Variants in EYS observed in about 807,000 individuals in gnomAD.
EYS encodes the protein protein eyes shut homolog.
In EYS, 250 loss-of-function variants were observed where a neutral mutation model predicts 282.1. That is an observed-to-expected ratio of 0.89 (90% CI 0.80 to 0.98). The LOEUF (loss-of-function observed/expected upper bound fraction) is 0.98, where lower values mean the gene tolerates loss of function less well. Ranked by LOEUF, EYS falls within the 50% of genes least tolerant of loss-of-function variation. EYS has a pLI of 0.00. For synonymous variants in EYS, 1,355 were observed against 1,282.9 expected (o/e 1.06, Z -1.20); for missense variants, 4,016 against 3,709.0 (o/e 1.08, Z -2.15).
chr6:64,997,110 A>T (rs1451742669), intron 14 of EYS, among the ~76,000 whole-genome samples: 1 of 152,172 alleles, frequency 6.6e-6, no homozygotes. Flanking sequence ...ATGACAAATG[A>T]ATATGTACTG....
At chr6:65,276,074 T>C (rs1037142155) in intron 12 of EYS, among the ~76,000 whole-genome samples, 3 of 152,168 alleles carry the variant, frequency 2.0e-5, no homozygotes, top group African/African-American at 7.2e-5. Flanking sequence ...TAGATTTCCC[T>C]GGTCTTACCA....
At chr6:65,549,562 T>C (rs182331613) in intron 2 of EYS, among the ~76,000 whole-genome samples, 5 of 152,294 alleles carry the variant, frequency 3.3e-5, no homozygotes, top group African/African-American at 2.4e-5. Flanking sequence ...AGGGCTGTCT[T>C]TAAGAACATG....
At chr6:64,632,703 C>T (rs1767827772) in intron 22 of EYS, among the ~76,000 whole-genome samples, 1 of 10,720 alleles carries the variant, frequency 9.3e-5, no homozygotes, top group African/African-American at 1.8e-4. Context: ...TTGTAAACTT[C>T]TATGTTTCTG....
intron 1 of EYS, among the ~76,000 whole-genome samples, chr6:65,699,957 AC>A (rs1456679979): frequency 6.6e-6 from 1 of 151,588 alleles, no homozygotes; most frequent in Non-Finnish European, 1.5e-5. Flanking sequence ...TACTAAAAAT[AC>A]AAAAAAATTA....
intron 29 of EYS, among the ~76,000 whole-genome samples, chr6:64,320,486 T>C (rs1770174797): frequency 6.6e-6 from 1 of 151,880 alleles, no homozygotes; most frequent in Non-Finnish European, 1.5e-5. Flanking sequence ...AGTTGAGGTA[T>C]TATATTTTTA....
At chr6:64,126,439 A>T (rs11965177) in intron 31 of EYS, among the ~76,000 whole-genome samples, 7,362 of 152,048 alleles carry the variant, frequency 0.048, 544 homozygotes, top group African/African-American at 0.16. Flanking sequence ...TGACTCTAGC[A>T]TATTGCAGTT....
intron 12 of EYS, among the ~76,000 whole-genome samples, chr6:65,136,244 T>C (rs935973256): frequency 3.9e-5 from 6 of 151,984 alleles, no homozygotes; most frequent in African/African-American, 1.4e-4. Flanking sequence ...TATGTGTAAA[T>C]TGGATACATA....
intron 24 of EYS, among the ~76,000 whole-genome samples, chr6:64,616,509 T>C (rs1388791461): frequency 4.6e-5 from 7 of 151,710 alleles, no homozygotes; most frequent in Admixed American, 4.6e-4. Flanking sequence ...CAGGTCCTTC[T>C]ACAATTGATT....
chr6:64,375,481 T>C (rs1330510695), intron 29 of EYS, among the ~76,000 whole-genome samples: 2 of 152,246 alleles, frequency 1.3e-5, no homozygotes, highest in Non-Finnish European at 2.9e-5. Context: ...TCTCGGCTAA[T>C]ATATGTTTGC....
intron 18 of EYS, among the ~76,000 whole-genome samples, chr6:64,899,654 C>T (rs896296006): frequency 2.0e-5 from 3 of 151,668 alleles, no homozygotes. Context: ...AATAAAATAC[C>T]TAGGAATACA....
At chr6:63,732,808 T>C (rs908551530) in intron 41 of EYS, among the ~76,000 whole-genome samples, 1 of 152,174 alleles carries the variant, frequency 6.6e-6, no homozygotes, top group African/African-American at 2.4e-5. Flanking sequence ...GTCCGGGACA[T>C]AACAGTAAAA....
At chr6:65,448,969 C>T (rs1337907401) in intron 5 of EYS, among the ~76,000 whole-genome samples, 1 of 152,050 alleles carries the variant, frequency 6.6e-6, no homozygotes, top group Admixed American at 6.6e-5. Flanking sequence ...TTAGAAACAA[C>T]AGTTCTGATT....
intron 30 of EYS, among the ~76,000 whole-genome samples, chr6:64,242,443 T>TTTG (rs977596920): frequency 1.3e-5 from 2 of 152,060 alleles, no homozygotes; most frequent in African/African-American, 4.8e-5. Context: ...CTAAGTTTTT[T>TTTG]TTGTTGTTGT....
chr6:64,978,603 C>T (rs892969302), intron 14 of EYS, among the ~76,000 whole-genome samples: 1 of 151,832 alleles, frequency 6.6e-6, no homozygotes, highest in African/African-American at 2.4e-5. Context: ...GCTATAGCTG[C>T]TGTAGATAGT....
chr6:64,172,172 A>T (rs1415194549), intron 31 of EYS, among the ~76,000 whole-genome samples: 1 of 152,252 alleles, frequency 6.6e-6, no homozygotes, highest in Admixed American at 6.5e-5. Context: ...AAAAATATGC[A>T]TGCACAATTA....
chr6:64,472,471 C>A (rs1395470727), intron 26 of EYS, among the ~76,000 whole-genome samples: 1 of 152,126 alleles, frequency 6.6e-6, no homozygotes, highest in African/African-American at 2.4e-5. Flanking sequence ...CCAACTGTTT[C>A]CCCCTCATTT....
Position 63,721,566 on chromosome 6 carries a change from T to C in EYS, c.8465A>G (p.Tyr2822Cys), listed in dbSNP as rs1271488026. 6.4e-6 allele frequency: 10 copies of C among 1,551,526 alleles called. No homozygotes were observed. Among genetic ancestry groups the C allele is most frequent in the South Asian group, 1.2e-5 (1 of 84,066 alleles). The change falls in exon 43 of 43, where the codon TAT (tyrosine) becomes TGT (cysteine). Residue 2822 changes from tyrosine to cysteine, a missense_variant. Physicochemically the swap from Tyr to Cys is radical, Grantham distance 194. Coordinates refer to ENST00000503581, the MANE Select transcript of EYS (RefSeq NM_001142800.2). Reference sequence around the variant, plus strand: ...ATTTAAAGAAGATACTCCTCCAATATAGAAGTCTGTATTTGTGTCCAGAGA... The same window carrying C: ...ATTTAAAGAAGATACTCCTCCAATACAGAAGTCTGTATTTGTGTCCAGAGA... ...MSSLDTNTDF[Y>C]IGGVSSLNLV...
intron 28 of EYS, among the ~76,000 whole-genome samples, chr6:64,389,948 T>C (rs1219332328): frequency 6.6e-6 from 1 of 150,726 alleles, no homozygotes; most frequent in Non-Finnish European, 1.5e-5. Context: ...GGGCAAGGCA[T>C]TGCCTCACTT....
chr6:64,312,818 C>G (rs1436173103), intron 29 of EYS, among the ~76,000 whole-genome samples: 1 of 152,164 alleles, frequency 6.6e-6, no homozygotes, highest in African/African-American at 2.4e-5. Context: ...AACTAACAAA[C>G]AGAAAGTAAT....
Sources: allele counts gnomAD v4.1 joint callset (sites outside exome capture counted in the v4.1 genomes callset), GRCh38; gene constraint gnomAD v4.1.1; transcripts MANE v1.5; gene names NCBI Gene and HGNC (gene_info 2026-07-23, HGNC 2026-07-21).